Variants in ZNF341 observed in about 807,000 individuals in gnomAD.
The protein encoded by ZNF341 is zinc finger protein 341.
In ZNF341, 52 loss-of-function variants were observed where a neutral mutation model predicts 87.7. That is an observed-to-expected ratio of 0.59 (90% CI 0.47 to 0.75). The LOEUF is 0.75. ZNF341 is among the 30% of genes least tolerant of loss of function. ZNF341 has a pLI of 0.00. For missense variants in ZNF341, 977 were observed against 1,145.9 expected, an observed-to-expected ratio of 0.85 and a Z score of 2.13; for synonymous variants, 459 against 472.7, an observed-to-expected ratio of 0.97 and a Z score of 0.38.
chr20:33,770,335 T>TGGGGGGGGGGGGGGGG, intron 10 of ZNF341, 43 bp downstream of exon 10: 1 of 380,184 alleles, frequency 2.6e-6, no homozygotes. Context: ...GACGGGTGGG[T>TGGGGGGGGGGGGGGGG]GGGCAGGGAG....
intron 2 of ZNF341, among the ~76,000 whole-genome samples, chr20:33,744,143 C>T (rs749523154): frequency 2.0e-5 from 3 of 152,004 alleles, no homozygotes; most frequent in East Asian, 1.9e-4. Flanking sequence ...ATTAGCCGGG[C>T]GTGGTGGCGC....
At chr20:33,747,614 CAAAAAAAAAAAAAAA>C (rs773781002) in intron 3 of ZNF341, among the ~76,000 whole-genome samples, 1 of 15,624 alleles carries the variant, frequency 6.4e-5, no homozygotes, top group Non-Finnish European at 9.8e-5. Context: ...GACTCCGTCT[CAAAAAAAAAAAAAAA>C]AAAAAAAAAA....
intron 11 of ZNF341, 129 bp from the exon 12 acceptor site, chr20:33,783,603 C>A: frequency 7.6e-7 from 1 of 1,313,266 alleles, no homozygotes; most frequent in Non-Finnish European, 1.1e-6. Context: ...CATTCTGGGT[C>A]CTGGCCCCTG....
intron 8 of ZNF341, among the ~76,000 whole-genome samples, chr20:33,766,599 G>A (rs897176964): frequency 1.3e-5 from 2 of 152,118 alleles, no homozygotes; most frequent in Non-Finnish European, 2.9e-5. Context: ...TGTCTGAGGG[G>A]AAGGCCAGAG....
intron 8 of ZNF341, among the ~76,000 whole-genome samples, chr20:33,762,692 AG>A (rs1213776442): frequency 6.6e-6 from 1 of 151,888 alleles, no homozygotes; most frequent in Non-Finnish European, 1.5e-5. Flanking sequence ...CCTTGTCCCC[AG>A]CCCCCCGACA....
chr20:33,755,853 C>T (rs902654896), intron 5 of ZNF341, among the ~76,000 whole-genome samples: 2 of 151,972 alleles, frequency 1.3e-5, no homozygotes, highest in East Asian at 3.9e-4. Flanking sequence ...CTCGGCCTGC[C>T]AAAGTGCTGG....
At chr20:33,767,602 C>T (rs1165235905) in intron 9 of ZNF341, among the ~76,000 whole-genome samples, 1 of 152,146 alleles carries the variant, frequency 6.6e-6, no homozygotes, top group Admixed American at 6.6e-5. Flanking sequence ...AATCCAGAAC[C>T]ACTGTTATCC....
At chr20:33,751,140 G>C (rs113100099) in intron 4 of ZNF341, among the ~76,000 whole-genome samples, 12 of 152,202 alleles carry the variant, frequency 7.9e-5, no homozygotes, top group African/African-American at 2.6e-4. Context: ...GCTTAGCCAA[G>C]TTTCTATGTA....
At position 33,781,360 on chromosome 20, in the gene ZNF341, C is replaced by G; in HGVS notation, c.1692C>G (p.His564Gln). The change falls in exon 11 of 15, where the codon CAC becomes CAG. Residue 564 changes from histidine to glutamine, a missense_variant. By Grantham distance (24) the His-to-Gln change is conservative (BLOSUM62 0). Transcript: ENST00000375200. ...ALEHHLQTAT[H>Q]NFPCPHCQKV... ...AGCACCACCTGCAGACCGCCACTCA[C>G]AACTTCCCCTGCCCACACTGCCAGA... 1 of 1,614,162 alleles carries G rather than the reference C, an allele frequency of 6.2e-7. No individual in the cohort carries two copies. Among genetic ancestry groups the G allele is most frequent in the Non-Finnish European group, 8.5e-7 (1 of 1,180,010 alleles).
chr20:33,791,673 C>T lies in ZNF341; in HGVS notation c.*156C>T, dbSNP rs1469254254. ...TCATTCAGAAACCTCAGCCCATGGT[C>T]GCCCTCCTGTGCCCCTCTCCTGCCG... On this transcript the variant is annotated 3_prime_UTR_variant, in exon 15 of 15. Coordinates refer to ENST00000375200, the MANE Select transcript of ZNF341 (RefSeq NM_001282933.2). 1.9e-5 allele frequency: 17 copies of T among 885,044 alleles called. No individual in the cohort carries two copies. Among genetic ancestry groups the T allele is most frequent in the Middle Eastern group, 3.5e-4 (1 of 2,820 alleles). 54.8% of individuals were successfully genotyped at this position (885,044 alleles called of 1,614,324 possible).
At chr20:33,763,031 G>T (rs1165296337) in intron 8 of ZNF341, among the ~76,000 whole-genome samples, 1 of 152,146 alleles carries the variant, frequency 6.6e-6, no homozygotes, top group African/African-American at 2.4e-5. Context: ...GCTATGTAAG[G>T]ATGTTTCCAT....
intron 4 of ZNF341, chr20:33,752,290 A>G (rs2019075893): frequency 1.7e-6 from 1 of 602,316 alleles, no homozygotes; most frequent in Non-Finnish European, 3.2e-6. Context: ...ACAACCGCAC[A>G]CGGATGCAGT....
rs1234074497 is a variant in ZNF341 at position 33,791,261 on chromosome 20, C to T, written c.2309C>T (p.Pro770Leu). 44 of 1,611,786 alleles carry T rather than the reference C, an allele frequency of 2.7e-5. No homozygotes were observed. The highest frequency in any genetic ancestry group is 3.6e-5 in the Non-Finnish European group (42 of 1,179,566). The change falls in exon 15 of 15, where the codon CCG becomes CTG. Residue 770 changes from proline (P) to leucine (L), a missense_variant. Physicochemically the swap from Pro to Leu is moderately conservative, Grantham distance 98. Coordinates refer to ENST00000375200, the MANE Select transcript of ZNF341 (RefSeq NM_001282933.2). ...AAGGTGCTGACCCCCTTGCCTGACC[C>T]GCTGGGGCTGGAGGAGCTGAAGGAC... ...GRKVLTPLPD[P>L]LGLEELKDTG... is the part of the protein sequence containing the mutation.
At chr20:33,748,877 CTCTG>C in intron 3 of ZNF341, 42 bp from the exon 4 acceptor site, 2 of 1,566,696 alleles carry the variant, frequency 1.3e-6, no homozygotes, top group Non-Finnish European at 1.7e-6. Flanking sequence ...CACACACACA[CTCTG>C]TCTCTCTCCG....
rs767593049 is a variant in ZNF341, at chr20:33,788,845, T to C, written c.1853-18T>C. On this transcript the variant is annotated intron_variant, in intron 12 of 14. Coordinates refer to ENST00000375200, the MANE Select transcript of ZNF341 (RefSeq NM_001282933.2). Reference sequence around the variant, plus strand: ...ACTCCTGGTGAGTGCTGGCTCTCCCTGTCTGTGTCTGCTGCAGGTGAGAAG... The same window carrying C: ...ACTCCTGGTGAGTGCTGGCTCTCCCCGTCTGTGTCTGCTGCAGGTGAGAAG... 1.9e-6 allele frequency: 3 copies of C among 1,610,190 alleles called. No homozygotes were observed. In the East Asian group the frequency reaches 6.7e-5, roughly 36 times the overall value.
At chr20:33,775,240 C>T (rs1361332490) in intron 10 of ZNF341, among the ~76,000 whole-genome samples, 3 of 146,422 alleles carry the variant, frequency 2.0e-5, no homozygotes, top group African/African-American at 5.1e-5. Flanking sequence ...GATGGAGTCT[C>T]GCTCTGTTGC....
Position 33,791,133 on chromosome 20 carries a change from AG to A in ZNF341, c.2182del (p.Asp728IlefsTer37). 6.2e-7 allele frequency: 1 copy of A among 1,613,258 alleles called. No individual in the cohort carries two copies. The highest frequency in any genetic ancestry group is 1.1e-5 in the South Asian group (1 of 91,080). ...GCTTTTCCCGCCACAAATACCTCAAAGATCACCGCTGTCGTCTCGGCCCCCA... is the reference window on the plus strand; with the variant it reads ...GCTTTTCCCGCCACAAATACCTCAAAATCACCGCTGTCGTCTCGGCCCCCA... ...KGFSRHKYLKDHRCRLGPQKD... is the reference protein window; with the variant it reads ...KGFSRHKYLKXHRCRLGPQKD... On this transcript the variant is annotated frameshift_variant, in exon 15 of 15. Coordinates refer to ENST00000375200, the MANE Select transcript of ZNF341 (RefSeq NM_001282933.2). LOFTEE classifies it high-confidence loss of function.
intron 9 of ZNF341, among the ~76,000 whole-genome samples, chr20:33,769,284 C>T (rs2019473536): frequency 6.6e-6 from 1 of 151,474 alleles, no homozygotes. Context: ...GCAGCACCAG[C>T]ATCCCCTGAG....
At chr20:33,790,839 G>A in intron 14 of ZNF341, 149 bp from the exon 15 acceptor site, 3 of 949,500 alleles carry the variant, frequency 3.2e-6, no homozygotes, top group Middle Eastern at 3.3e-4. Flanking sequence ...GAGAGTGGCT[G>A]GAAGAAGGCA....
Sources: allele counts gnomAD v4.1 joint callset (sites outside exome capture counted in the v4.1 genomes callset), GRCh38; gene constraint gnomAD v4.1.1; transcripts MANE v1.5; gene names NCBI Gene and HGNC (gene_info 2026-07-23, HGNC 2026-07-21).